MOV10: variants seen among roughly 807,000 people sequenced by gnomAD.
MOV10 encodes the protein Mov10 RNA helicase.
In MOV10, 39 loss-of-function variants were observed where a neutral mutation model predicts 108.4. That is an observed-to-expected ratio of 0.36 (90% CI 0.28 to 0.47). The LOEUF (loss-of-function observed/expected upper bound fraction) is 0.47, where lower values mean the gene tolerates loss of function less well. Among genes scored for constraint, MOV10 ranks in the 20% least tolerant of loss-of-function variants. MOV10 has a pLI of 1.00. For missense variants in MOV10, 952 were observed against 1,297.6 expected (o/e 0.73, Z 4.09); for synonymous variants, 490 against 523.1 (o/e 0.94, Z 0.86).
At chr1:112,684,245 C>CA (rs546974875) in intron 2 of MOV10, among the ~76,000 whole-genome samples, 88 of 151,528 alleles carry the variant, frequency 5.8e-4, no homozygotes, top group African/African-American at 1.9e-3. Context: ...CGTGAGCCAC[C>CA]ATGCCCAGTC....
At chr1:112,687,520 C>T (rs868151167) in intron 2 of MOV10, among the ~76,000 whole-genome samples, 8 of 152,230 alleles carry the variant, frequency 5.3e-5, no homozygotes, top group African/African-American at 1.9e-4. Context: ...GGAATGTCCT[C>T]AGGCTCCTGG....
At chr1:112,693,439 T>C (rs1673763982) in intron 7 of MOV10, among the ~76,000 whole-genome samples, 2 of 152,176 alleles carry the variant, frequency 1.3e-5, no homozygotes, top group African/African-American at 4.8e-5. Context: ...TGCAATGGCA[T>C]GATCTTGGCT....
rs1674303643 is a variant in MOV10 at position 112,698,317 on chromosome 1, G to A, written c.2347G>A (p.Gly783Ser). 1.2e-6 allele frequency: 2 copies of A among 1,614,026 alleles called. No individual in the cohort carries two copies. The highest frequency in any genetic ancestry group is 1.7e-5 in the Admixed American group (1 of 59,990). The change falls in exon 16 of 21, where the codon GGC becomes AGC. Residue 783 changes from glycine (G) to serine (S), a missense_variant. Physicochemically the swap from Gly to Ser is moderately conservative, Grantham distance 56. Transcript: ENST00000369645. ...GFPIIFHGVM[G>S]KDEREGNSPS... Reference sequence around the variant, plus strand: ...TCCCATCATCTTTCACGGCGTAATGGGCAAAGATGAGCGTGAAGGCAACAG... The same window carrying A: ...TCCCATCATCTTTCACGGCGTAATGAGCAAAGATGAGCGTGAAGGCAACAG...
Position 112,689,070 on chromosome 1 carries a change from G to T in MOV10, c.273G>T (p.Arg91Ser). 6.2e-7 allele frequency: 1 copy of T among 1,612,508 alleles called. No homozygotes were observed. The highest frequency in any genetic ancestry group is 8.5e-7 in the Non-Finnish European group (1 of 1,180,014). Residue 91 changes from arginine (R) to serine (S), a missense_variant, in exon 3 of 21, where the codon AGG becomes AGT. Transcript: ENST00000369645. Reference protein sequence around the residue: ...RWADVRFPEKRRMKLGSDISK... With the variant: ...RWADVRFPEKSRMKLGSDISK... ...CCGACGTGCGGTTCCCAGAAAAGAG[G>T]AGAATGAAGCTGGGGTCAGATATCA...
chr1:112,691,652 C>G lies in MOV10; in HGVS notation c.837-13C>G. 1 of 1,611,066 alleles carries G rather than the reference C, an allele frequency of 6.2e-7. No homozygotes were observed. Among genetic ancestry groups the G allele is most frequent in the Non-Finnish European group, 8.5e-7 (1 of 1,177,826 alleles). Reference sequence around the variant, plus strand: ...TGAGGGGTTTTCTGTGTTTTCTTCCCTCGATTCTGCAGCGCTAAGGGCTAT... The same window carrying G: ...TGAGGGGTTTTCTGTGTTTTCTTCCGTCGATTCTGCAGCGCTAAGGGCTAT... On this transcript the variant is annotated splice_polypyrimidine_tract_variant and intron_variant, in intron 5 of 20. Coordinates refer to ENST00000369645, the MANE Select transcript of MOV10 (RefSeq NM_001321324.2).
chr1:112,692,523 C>T (rs1193405083), intron 6 of MOV10, among the ~76,000 whole-genome samples: 2 of 152,158 alleles, frequency 1.3e-5, no homozygotes, highest in Non-Finnish European at 2.9e-5. Flanking sequence ...CCATAAGAGC[C>T]ACCATGCAAA....
chr1:112,678,896 A>G (rs1206853886), intron 2 of MOV10, among the ~76,000 whole-genome samples: 1 of 152,118 alleles, frequency 6.6e-6, no homozygotes, highest in Non-Finnish European at 1.5e-5. Flanking sequence ...AGTAAAAAAC[A>G]CATTTTACTT....
At chr1:112,681,915 T>A (rs79617573) in intron 2 of MOV10, among the ~76,000 whole-genome samples, 9 of 151,544 alleles carry the variant, frequency 5.9e-5, no homozygotes, top group South Asian at 2.1e-4. Context: ...TTTTTTTTTT[T>A]AGACAGTTTT....
At position 112,692,741 on chromosome 1, in the gene MOV10, C is replaced by G. The variant is rs755322131; in HGVS notation, c.972-20C>G. The G allele has an allele frequency of 6.2e-7, 1 of 1,613,052 alleles. No homozygotes were observed. The highest frequency in any genetic ancestry group is 8.5e-7 in the Non-Finnish European group (1 of 1,179,622). ...ATCCTGTTCCTGCCCCCACTCACCC[C>G]TCCCAACCATCATTTCCAGGGCCCA... is the stretch of plus-strand genomic sequence containing the variant. On this transcript the variant is annotated intron_variant, in intron 6 of 20. Transcript: ENST00000369645.
intron 2 of MOV10, chr1:112,687,023 A>G (rs760329088): frequency 1.1e-5 from 5 of 456,324 alleles, no homozygotes; most frequent in Non-Finnish European, 2.2e-5. Context: ...TGAAATGCAA[A>G]TATGATCTTG....
chr1:112,699,378 T>C, intron 17 of MOV10: 1 of 935,566 alleles, frequency 1.1e-6, no homozygotes, highest in Non-Finnish European at 1.4e-6. Context: ...TAACAGATAC[T>C]TAGTGATTGT....
chr1:112,687,980 T>C (rs1357078937), intron 2 of MOV10, among the ~76,000 whole-genome samples: 1 of 152,080 alleles, frequency 6.6e-6, no homozygotes, highest in Non-Finnish European at 1.5e-5. Context: ...GCCCAGGTAA[T>C]GCCCACTCAT....
intron 2 of MOV10, among the ~76,000 whole-genome samples, chr1:112,681,140 C>T (rs1391300650): frequency 6.6e-6 from 1 of 152,090 alleles, no homozygotes; most frequent in Non-Finnish European, 1.5e-5. Flanking sequence ...CCGCCCTGTA[C>T]TCAGGTACCT....
chr1:112,696,307 G>A (rs776461664), intron 12 of MOV10, 56 bp downstream of exon 12: 53 of 1,465,636 alleles, frequency 3.6e-5, no homozygotes, highest in South Asian at 1.4e-4. Context: ...AAGGGGTACC[G>A]GGCTGGGGAA....
In MOV10 at chr1:112,689,898, C is replaced by T. The variant is rs1673429309; in HGVS notation, c.636C>T (p.Ala212=). The T allele has an allele frequency of 1.2e-6, 2 of 1,614,212 alleles. No individual in the cohort carries two copies. Among genetic ancestry groups the T allele is most frequent in the African/African-American group, 2.7e-5 (2 of 75,060 alleles). ...CKTSFVGYFP[A]TVLWELLGPG... ...CCAGCTTTGTGGGCTACTTCCCAGCCACAGTGCTCTGGGAGCTGCTGGGAC... is the reference window on the plus strand; with the variant it reads ...CCAGCTTTGTGGGCTACTTCCCAGCTACAGTGCTCTGGGAGCTGCTGGGAC... The change falls in exon 5 of 21, where the codon GCC becomes GCT. Residue 212 remains alanine (A), a synonymous_variant. Transcript: ENST00000369645.
chr1:112,686,846 G>C (rs560398665), intron 2 of MOV10: 9 of 443,638 alleles, frequency 2.0e-5, no homozygotes, highest in African/African-American at 1.4e-4. Flanking sequence ...TACATTCTAA[G>C]TATTAGCGAA....
chr1:112,698,155 C>T, intron 15 of MOV10, 44 bp downstream of exon 15: 1 of 1,599,990 alleles, frequency 6.3e-7, no homozygotes, highest in African/African-American at 1.3e-5. Flanking sequence ...CCCTGACTTC[C>T]CTCCCACTGA....
At chr1:112,689,767 C>T (rs1396033687) in intron 4 of MOV10, 73 bp from the exon 5 acceptor site, 4 of 1,587,926 alleles carry the variant, frequency 2.5e-6, no homozygotes, top group Non-Finnish European at 3.4e-6. Flanking sequence ...ATGGGGCTTC[C>T]TGGGGGAGTG....
rs61742214 is a variant in MOV10 at position 112,696,446 on chromosome 1, G to C, written c.1893G>C (p.Ser631=). ...TTLITAGRLV[S]AQFPIDHFTH... ...GCCTGACACCTCCCAGGTTGGTCTC[G>C]GCCCAGTTTCCCATTGATCACTTCA... Residue 631 remains serine (S), a synonymous_variant, in exon 13 of 21, where the codon TCG becomes TCC. Transcript: ENST00000369645. 3,411 of 1,613,864 alleles carry C rather than the reference G, an allele frequency of 2.1e-3. 56 individuals are homozygous for C. The African/African-American group carries it at 0.038, about 18-fold the overall frequency.
Sources: gnomAD v4.1 joint callset for allele counts (sites outside exome capture counted in the v4.1 genomes callset) on GRCh38, gnomAD v4.1.1 for gene constraint, MANE v1.5 for transcripts, NCBI Gene and HGNC (gene_info 2026-07-23, HGNC 2026-07-21) for gene names.